The following GLIS3 variants were observed in gnomAD, a reference collection of about 807,000 sequenced individuals.
GLIS3 encodes GLIS family zinc finger 3, also known as zinc finger protein GLIS3.
A neutral mutation model predicts 78.6 loss-of-function variants in GLIS3; 53 were observed. The observed-to-expected ratio is 0.67, with a 90% confidence interval of 0.54 to 0.85. The LOEUF (loss-of-function observed/expected upper bound fraction) is 0.85. Among genes scored for constraint, GLIS3 ranks in the 40% least tolerant of loss-of-function variants. GLIS3 has a pLI of 0.00. For missense variants in GLIS3, 1,703 were observed against 1,231.1 expected (o/e 1.38, Z -5.74); for synonymous variants, 684 against 509.9 (o/e 1.34, Z -4.60).
chr9:3,910,895 T>C (rs1824095614), intron 6 of GLIS3, among the ~76,000 whole-genome samples: 1 of 152,210 alleles, frequency 6.6e-6, no homozygotes, highest in South Asian at 2.1e-4. Flanking sequence ...TAACATGTTA[T>C]TCCATTCAGC....
chr9:4,298,463 G>A (rs1816795773), intron 1 of GLIS3: 7 of 450,166 alleles, frequency 1.6e-5, no homozygotes, highest in African/African-American at 2.0e-5. Context: ...GGTCCCCGAG[G>A]TGACTTGTCA....
the GLIS3 span, among the ~76,000 whole-genome samples, chr9:4,384,212 G>T: frequency 2.3e-4 from 35 of 152,258 alleles, no homozygotes; most frequent in Admixed American, 6.5e-4. Flanking sequence ...GTGAACACAG[G>T]GTGCTGGACC....
At chr9:4,159,119 G>C (rs1259732514) in intron 2 of GLIS3, among the ~76,000 whole-genome samples, 1 of 151,186 alleles carries the variant, frequency 6.6e-6, no homozygotes, top group Non-Finnish European at 1.5e-5. Flanking sequence ...TGGCTCACCA[G>C]TCTCAACTTT....
chr9:4,255,328 C>A (rs1282131432), intron 2 of GLIS3, among the ~76,000 whole-genome samples: 1 of 152,168 alleles, frequency 6.6e-6, no homozygotes, highest in Non-Finnish European at 1.5e-5. Flanking sequence ...CTAAATATAT[C>A]CTTACCATAT....
At chr9:4,294,439 G>T (rs546098298) in intron 1 of GLIS3, among the ~76,000 whole-genome samples, 2 of 152,108 alleles carry the variant, frequency 1.3e-5, no homozygotes, top group Non-Finnish European at 2.9e-5. Flanking sequence ...AACCCAGGAG[G>T]GGGAGGTTGC....
At chr9:4,124,821 G>A (rs745964826) in intron 3 of GLIS3, among the ~76,000 whole-genome samples, 2 of 152,222 alleles carry the variant, frequency 1.3e-5, no homozygotes, top group South Asian at 4.1e-4. Context: ...CAGGGGCTTA[G>A]AGAGTAAAAT....
At chr9:4,084,281 AC>A (rs1564025040) in intron 4 of GLIS3, among the ~76,000 whole-genome samples, 3 of 138,252 alleles carry the variant, frequency 2.2e-5, no homozygotes, top group African/African-American at 7.6e-5. Context: ...ACACACACAC[AC>A]ACACACACAC....
chr9:4,119,202 GA>G (rs1452013850), intron 3 of GLIS3, among the ~76,000 whole-genome samples: 2 of 152,040 alleles, frequency 1.3e-5, no homozygotes, highest in African/African-American at 4.8e-5. Context: ...CAATATGGGG[GA>G]AAAAGGATAG....
At chr9:4,059,804 T>TTGTGTG (rs138674422) in intron 4 of GLIS3, among the ~76,000 whole-genome samples, 387 of 107,636 alleles carry the variant, frequency 3.6e-3, no homozygotes, top group African/African-American at 9.1e-3. Flanking sequence ...TCAGCTTTAT[T>TTGTGTG]TGTGTGTGTG....
chr9:4,043,761 C>T (rs1825022756), intron 4 of GLIS3, among the ~76,000 whole-genome samples: 1 of 152,178 alleles, frequency 6.6e-6, no homozygotes, highest in Non-Finnish European at 1.5e-5. Context: ...TGACCCAGTA[C>T]CTCTTTAGAA....
At chr9:4,481,192 A>T in the GLIS3 span, among the ~76,000 whole-genome samples, 1 of 152,120 alleles carries the variant, frequency 6.6e-6, no homozygotes, top group Non-Finnish European at 1.5e-5. Flanking sequence ...TGCATTTAAA[A>T]ACATAACTAG....
intron 4 of GLIS3, among the ~76,000 whole-genome samples, chr9:4,081,013 C>T (rs989366886): frequency 6.6e-6 from 1 of 152,162 alleles, no homozygotes; most frequent in Non-Finnish European, 1.5e-5. Flanking sequence ...CTCCACAGGG[C>T]GTTTTTCCAG....
chr9:4,425,919 G>A, the GLIS3 span, among the ~76,000 whole-genome samples: 1 of 152,166 alleles, frequency 6.6e-6, no homozygotes, highest in Non-Finnish European at 1.5e-5. Context: ...GTCCCAGGAA[G>A]GCCCCAGAAA....
chr9:3,974,013 T>C (rs992560510), intron 4 of GLIS3, among the ~76,000 whole-genome samples: 1 of 152,204 alleles, frequency 6.6e-6, no homozygotes, highest in Non-Finnish European at 1.5e-5. Context: ...AGATCACTTA[T>C]GATTCCTGTA....
intron 4 of GLIS3, among the ~76,000 whole-genome samples, chr9:4,004,760 G>A (rs1195643721): frequency 6.6e-6 from 1 of 152,132 alleles, no homozygotes; most frequent in African/African-American, 2.4e-5. Context: ...ATACTGTGTG[G>A]TCCTTACAGA....
chr9:4,450,590 G>A, the GLIS3 span, among the ~76,000 whole-genome samples: 1 of 152,198 alleles, frequency 6.6e-6, no homozygotes, highest in South Asian at 2.1e-4. Flanking sequence ...GTTAAGGGCA[G>A]CCAGAGAGAA....
At chr9:3,856,331 T>C in intron 8 of GLIS3, 147 bp from the exon 9 acceptor site, 2 of 717,066 alleles carry the variant, frequency 2.8e-6, no homozygotes, top group Non-Finnish European at 4.9e-6. Context: ...TCAGGATTTT[T>C]CTCTACCCTC....
At chr9:4,347,825 A>T (rs1033480200) in intron 1 of GLIS3, among the ~76,000 whole-genome samples, 1 of 152,128 alleles carries the variant, frequency 6.6e-6, no homozygotes, top group Admixed American at 6.6e-5. Context: ...AGGCTTGAAC[A>T]CAACTATTTT....
chr9:4,086,715 C>T (rs1829053284), intron 4 of GLIS3, among the ~76,000 whole-genome samples: 1 of 152,174 alleles, frequency 6.6e-6, no homozygotes, highest in Admixed American at 6.5e-5. Flanking sequence ...CAGTGCTGAG[C>T]AGGCTCTACA....
Sources: allele counts gnomAD v4.1 joint callset (sites outside exome capture counted in the v4.1 genomes callset), GRCh38; gene constraint gnomAD v4.1.1; transcripts MANE v1.5; gene names NCBI Gene and HGNC (gene_info 2026-07-23, HGNC 2026-07-21).